VIT: variants seen among roughly 807,000 people sequenced by gnomAD.
The protein encoded by VIT is vitrin.
In VIT, 99 loss-of-function variants were observed where a neutral mutation model predicts 78.0. The ratio of observed to expected loss-of-function variants is 1.27; its 90% CI spans 1.08 to 1.50. The LOEUF (loss-of-function observed/expected upper bound fraction) is 1.50, where lower values mean the gene tolerates loss of function less well. Ranked by LOEUF, VIT falls within the 40% of genes most tolerant of loss-of-function variation. VIT has a pLI of 0.00. For synonymous variants in VIT, 374 were observed against 334.3 expected, an observed-to-expected ratio of 1.12 and a Z score of -1.29; for missense variants, 1,126 against 875.3, an observed-to-expected ratio of 1.29 and a Z score of -3.61.
chr2:36,724,530 G>A (rs566773725), intron 2 of VIT, among the ~76,000 whole-genome samples: 14 of 152,200 alleles, frequency 9.2e-5, no homozygotes, highest in African/African-American at 3.1e-4. Context: ...TAGCAAGAGG[G>A]GGATTGCTGG....
chr2:36,797,099 ATTT>A (rs34401995), intron 12 of VIT, among the ~76,000 whole-genome samples: 4 of 142,482 alleles, frequency 2.8e-5, no homozygotes, highest in Non-Finnish European at 4.6e-5. Flanking sequence ...GTTTCAACCA[ATTT>A]TTTTTTTTTT....
intron 7 of VIT, among the ~76,000 whole-genome samples, chr2:36,772,801 A>G (rs1029933588): frequency 2.6e-5 from 4 of 152,256 alleles, no homozygotes; most frequent in African/African-American, 9.6e-5. Flanking sequence ...CTGATTTTGG[A>G]TAACTCCAGT....
chr2:36,806,423 G>T (rs184875838), intron 14 of VIT, among the ~76,000 whole-genome samples: 1 of 152,144 alleles, frequency 6.6e-6, no homozygotes, highest in Non-Finnish European at 1.5e-5. Flanking sequence ...ATGCTGTATG[G>T]CTCTTATTTC....
intron 4 of VIT, among the ~76,000 whole-genome samples, chr2:36,754,336 A>G (rs1187594371): frequency 6.6e-6 from 1 of 152,198 alleles, no homozygotes; most frequent in Non-Finnish European, 1.5e-5. Context: ...AACCAGATGG[A>G]GACCCTGCCT....
At chr2:36,770,776 C>T (rs535852881) in intron 7 of VIT, among the ~76,000 whole-genome samples, 1 of 152,324 alleles carries the variant, frequency 6.6e-6, no homozygotes, top group Non-Finnish European at 1.5e-5. Context: ...GTGGCTGTGT[C>T]TTCCTTTGTT....
intron 2 of VIT, among the ~76,000 whole-genome samples, chr2:36,719,396 C>T (rs370050421): frequency 5.3e-4 from 81 of 152,278 alleles, no homozygotes; most frequent in East Asian, 3.3e-3. Context: ...AATAAAATTT[C>T]CTCTGCAGAT....
chr2:36,801,255 G>A (rs1163362102), intron 12 of VIT, 46 bp from the exon 13 acceptor site: 1 of 1,490,342 alleles, frequency 6.7e-7, no homozygotes. Context: ...TCCTCCAAAG[G>A]TATTAACTTT....
intron 2 of VIT, among the ~76,000 whole-genome samples, chr2:36,717,336 G>A (rs1205224365): frequency 5.4e-3 from 10 of 1,838 alleles, no homozygotes; most frequent in Middle Eastern, 0.5. Flanking sequence ...CCTGGCTAAT[G>A]TGTGTGTGTG....
intron 6 of VIT, among the ~76,000 whole-genome samples, chr2:36,763,165 T>G (rs528538874): frequency 6.6e-6 from 1 of 152,220 alleles, no homozygotes; most frequent in Non-Finnish European, 1.5e-5. Flanking sequence ...CAAATGAGAA[T>G]TCCACGGCCC....
intron 3 of VIT, among the ~76,000 whole-genome samples, chr2:36,735,916 C>T (rs1572442686): frequency 6.6e-6 from 1 of 152,158 alleles, no homozygotes; most frequent in South Asian, 2.1e-4. Flanking sequence ...AAAACATGAG[C>T]CTGTCTACCT....
intron 2 of VIT, among the ~76,000 whole-genome samples, chr2:36,724,783 A>G: frequency 6.6e-6 from 1 of 152,226 alleles, no homozygotes; most frequent in East Asian, 1.9e-4. Flanking sequence ...TAAAATATTT[A>G]TAGTCCTAAT....
At chr2:36,800,665 G>A (rs938967644) in intron 12 of VIT, among the ~76,000 whole-genome samples, 4 of 152,110 alleles carry the variant, frequency 2.6e-5, no homozygotes, top group Non-Finnish European at 4.4e-5. Flanking sequence ...CCGCCGCTTC[G>A]TGGGGATTCA....
intron 2 of VIT, among the ~76,000 whole-genome samples, chr2:36,719,423 C>T (rs1290497117): frequency 6.6e-6 from 1 of 152,072 alleles, no homozygotes; most frequent in Non-Finnish European, 1.5e-5. Flanking sequence ...ATATTATATA[C>T]AGAAAGCCCT....
chr2:36,755,313 TTTAATTACA>T (rs1279376424), intron 5 of VIT, among the ~76,000 whole-genome samples: 16 of 152,246 alleles, frequency 1.1e-4, no homozygotes, highest in Non-Finnish European at 4.4e-5. Flanking sequence ...CAATCAGATT[TTTAATTACA>T]TTAATTACAT....
intron 15 of VIT, among the ~76,000 whole-genome samples, chr2:36,813,373 T>C (rs985128225): frequency 2.0e-5 from 3 of 152,060 alleles, no homozygotes; most frequent in Non-Finnish European, 2.9e-5. Flanking sequence ...CTCTTGAACC[T>C]GGGAAGCGGA....
chr2:36,712,020 G>A (rs1008887395), intron 1 of VIT, among the ~76,000 whole-genome samples: 1 of 152,166 alleles, frequency 6.6e-6, no homozygotes, highest in Non-Finnish European at 1.5e-5. Flanking sequence ...GTGAGCCCAT[G>A]AGGAATTAGG....
At chr2:36,703,018 G>T (rs1370932647) in intron 1 of VIT, among the ~76,000 whole-genome samples, 4 of 152,166 alleles carry the variant, frequency 2.6e-5, no homozygotes, top group Non-Finnish European at 5.9e-5. Context: ...CACACAGAGA[G>T]TTCTGATTGC....
intron 11 of VIT, among the ~76,000 whole-genome samples, chr2:36,786,080 G>A (rs781591678): frequency 2.0e-5 from 3 of 152,142 alleles, no homozygotes; most frequent in Admixed American, 6.5e-5. Flanking sequence ...GTGCAGGTCC[G>A]TCTGGCCGCT....
chr2:36,790,370 C>G (rs947756629), intron 12 of VIT, among the ~76,000 whole-genome samples: 1 of 152,178 alleles, frequency 6.6e-6, no homozygotes, highest in East Asian at 1.9e-4. Context: ...CTCTGCCGGG[C>G]TCTTGGTTTC....
Sources: gnomAD v4.1 joint callset for allele counts (sites outside exome capture counted in the v4.1 genomes callset) on GRCh38, gnomAD v4.1.1 for gene constraint, MANE v1.5 for transcripts, NCBI Gene and HGNC (gene_info 2026-07-23, HGNC 2026-07-21) for gene names.